MLLT3: variants seen among roughly 807,000 people sequenced by gnomAD.
MLLT3 encodes the protein MLLT3 super elongation complex subunit.
A neutral mutation model predicts 53.2 loss-of-function variants in MLLT3; 4 were observed. The observed-to-expected ratio is 0.08, with a 90% CI of 0.04 to 0.17. The LOEUF (loss-of-function observed/expected upper bound fraction) is 0.17, where lower values mean the gene tolerates loss of function less well. Among genes scored for constraint, MLLT3 ranks in the 10% least tolerant of loss-of-function variants. MLLT3 has a pLI of 1.00. For missense variants in MLLT3, 569 were observed against 684.0 expected, an observed-to-expected ratio of 0.83 and a Z score of 1.87; for synonymous variants, 283 against 230.6, an observed-to-expected ratio of 1.23 and a Z score of -2.06.
chr9:20,565,024 A>G lies in MLLT3; in HGVS notation c.193+55630T>C, dbSNP rs369573477. 8.0e-4 allele frequency among the ~76,000 whole-genome samples: 122 copies of G among 152,282 alleles called. 2 individuals carry two copies. In the South Asian group the frequency reaches 0.024, roughly 29 times the overall value. On this transcript the variant is annotated intron_variant, in intron 2 of 10. Coordinates refer to ENST00000380338, the MANE Select transcript of MLLT3 (RefSeq NM_004529.4). ...AGTTAGAGAATTAAAACACACTGGA[A>G]TCTTTCAAATATGATATCACTATAG... is the stretch of plus-strand genomic sequence containing the variant.
At chr9:20,586,456 T>G (rs1019816332) in intron 2 of MLLT3, among the ~76,000 whole-genome samples, 2 of 150,690 alleles carry the variant, frequency 1.3e-5, no homozygotes, top group Admixed American at 6.6e-5. Flanking sequence ...AAAAGTGATA[T>G]CACTGACTTC....
At chr9:20,605,379 T>C (rs1820536440) in intron 2 of MLLT3, among the ~76,000 whole-genome samples, 1 of 152,056 alleles carries the variant, frequency 6.6e-6, no homozygotes, top group Admixed American at 6.6e-5. Context: ...TTGGGACTTA[T>C]AAATATTTAT....
chr9:20,526,604 GC>G (rs911440006), intron 2 of MLLT3, among the ~76,000 whole-genome samples: 2 of 152,102 alleles, frequency 1.3e-5, no homozygotes, highest in African/African-American at 4.8e-5. Context: ...ACAGTTTTAA[GC>G]TATTATAAGT....
Position 20,346,441 on chromosome 9 carries a change from C to G in MLLT3, c.*2G>C. ...TTCTTGATGCATCCAGTTGTTATATCCTCAGGATGTTCCAGATGTTTCCAG... is the reference window on the plus strand; with the variant it reads ...TTCTTGATGCATCCAGTTGTTATATGCTCAGGATGTTCCAGATGTTTCCAG... On this transcript the variant is annotated 3_prime_UTR_variant, in exon 11 of 11. Coordinates refer to ENST00000380338, the MANE Select transcript of MLLT3 (RefSeq NM_004529.4). The G allele has an allele frequency of 6.2e-7, 1 of 1,606,836 alleles. No individual in the cohort carries two copies. The highest frequency in any genetic ancestry group is 8.5e-7 in the Non-Finnish European group (1 of 1,177,130).
At chr9:20,597,419 T>C (rs1002950681) in intron 2 of MLLT3, among the ~76,000 whole-genome samples, 12 of 151,510 alleles carry the variant, frequency 7.9e-5, no homozygotes, top group African/African-American at 2.7e-4. Flanking sequence ...ACTGCAGAAA[T>C]AGATCATCCT....
At chr9:20,369,201 C>G (rs78221789) in intron 5 of MLLT3, among the ~76,000 whole-genome samples, 58 of 152,278 alleles carry the variant, frequency 3.8e-4, no homozygotes, top group African/African-American at 1.2e-3. Flanking sequence ...AGAAACTCAA[C>G]AGAATTAGCT....
At chr9:20,431,325 G>C (rs1823263134) in intron 4 of MLLT3, among the ~76,000 whole-genome samples, 2 of 152,022 alleles carry the variant, frequency 1.3e-5, no homozygotes, top group Non-Finnish European at 2.9e-5. Context: ...CTCTGCAGCT[G>C]GGCCCAGGAG....
chr9:20,390,211 T>C (rs1481899086), intron 5 of MLLT3, among the ~76,000 whole-genome samples: 1 of 152,148 alleles, frequency 6.6e-6, no homozygotes, highest in Non-Finnish European at 1.5e-5. Flanking sequence ...GTTGAGATAT[T>C]TGGAGGAAAA....
chr9:20,517,449 C>T (rs1488245609), intron 2 of MLLT3, among the ~76,000 whole-genome samples: 1 of 149,508 alleles, frequency 6.7e-6, no homozygotes, highest in East Asian at 2.0e-4. Flanking sequence ...GAGTGAGACT[C>T]TGTCTCAAAA....
At chr9:20,578,317 A>G (rs975014500) in intron 2 of MLLT3, among the ~76,000 whole-genome samples, 10 of 152,196 alleles carry the variant, frequency 6.6e-5, no homozygotes, top group Admixed American at 2.0e-4. Context: ...ACTAACATCT[A>G]TTCTAAGTAT....
chr9:20,447,968 C>G (rs1486178753), intron 4 of MLLT3, among the ~76,000 whole-genome samples, 155 bp downstream of exon 4: 4 of 152,108 alleles, frequency 2.6e-5, no homozygotes, highest in Admixed American at 2.6e-4. Flanking sequence ...CATCTCAACA[C>G]ATGAATCCAC....
chr9:20,487,817 G>A (rs1481967830), intron 2 of MLLT3, among the ~76,000 whole-genome samples: 1 of 152,052 alleles, frequency 6.6e-6, no homozygotes, highest in Non-Finnish European at 1.5e-5. Flanking sequence ...CATTCAAGAT[G>A]GTAAGTAAAA....
In MLLT3 at chr9:20,342,828, A is replaced by ATG. The variant is rs1357227821; in HGVS notation, c.*3614_*3615insCA. ...CAAAGCAAGATTACTCTGATAATAT[A>ATG]TATGTGTATATATATATATATATGT... On this transcript the variant is annotated 3_prime_UTR_variant, in exon 11 of 11. Coordinates refer to ENST00000380338, the MANE Select transcript of MLLT3 (RefSeq NM_004529.4). 7.2e-6 allele frequency: 1 copy of ATG among 138,076 alleles called. No homozygotes were observed. Among genetic ancestry groups the ATG allele is most frequent in the Non-Finnish European group, 1.3e-5 (1 of 77,530 alleles). The allele number at this position is 138,076 out of a possible 1,614,324, so 8.6% of individuals were successfully genotyped here.
At chr9:20,417,678 C>T (rs1198170237) in intron 4 of MLLT3, among the ~76,000 whole-genome samples, 1 of 152,124 alleles carries the variant, frequency 6.6e-6, no homozygotes, top group Non-Finnish European at 1.5e-5. Flanking sequence ...ACTAACTTTA[C>T]AACCTGTGAC....
At position 20,478,162 on chromosome 9, in the gene MLLT3, C is replaced by T. The variant is rs141903823; in HGVS notation, c.194-21376G>A. On this transcript the variant is annotated intron_variant, in intron 2 of 10. Coordinates refer to ENST00000380338, the MANE Select transcript of MLLT3 (RefSeq NM_004529.4). ...CAACTGCTTGGTGATCACAGATTCT[C>T]GGTGGACTGGCAGTGGCTGCACTGA... 7.5e-4 allele frequency among the ~76,000 whole-genome samples: 114 copies of T among 152,190 alleles called. 1 individual carries two copies. The highest frequency in any genetic ancestry group is 2.5e-3 in the African/African-American group (105 of 41,522).
chr9:20,483,593 C>A (rs1298833012), intron 2 of MLLT3, among the ~76,000 whole-genome samples: 3 of 151,478 alleles, frequency 2.0e-5, no homozygotes, highest in Non-Finnish European at 4.4e-5. Flanking sequence ...AGGAGAGAAC[C>A]ACCAGCAAAC....
chr9:20,440,062 G>GA (rs572418554), intron 4 of MLLT3, among the ~76,000 whole-genome samples: 5 of 152,072 alleles, frequency 3.3e-5, no homozygotes, highest in Middle Eastern at 3.5e-3. Context: ...TAAATCTGCA[G>GA]AAAAAAAGTC....
intron 2 of MLLT3, among the ~76,000 whole-genome samples, chr9:20,501,432 C>T (rs1301527413): frequency 6.6e-6 from 1 of 152,104 alleles, no homozygotes; most frequent in Middle Eastern, 3.2e-3. Context: ...CAAAGGAGCC[C>T]TCATTAAGAC....
chr9:20,414,525 G>A (rs1256460998), intron 4 of MLLT3, 100 bp from the exon 5 acceptor site: 54 of 1,538,258 alleles, frequency 3.5e-5, no homozygotes, highest in Non-Finnish European at 3.5e-5. Flanking sequence ...TTCCTCTCAA[G>A]CTATCATTAA....
Sources: gnomAD v4.1 joint callset for allele counts (sites outside exome capture counted in the v4.1 genomes callset) on GRCh38, gnomAD v4.1.1 for gene constraint, MANE v1.5 for transcripts, NCBI Gene and HGNC (gene_info 2026-07-23, HGNC 2026-07-21) for gene names.